ATXN7: variants seen among roughly 807,000 people sequenced by gnomAD.
ATXN7 encodes ataxin-7.
Under a neutral mutation model 70.5 loss-of-function variants are expected in ATXN7, and 12 were observed. That is an observed-to-expected ratio of 0.17 (90% CI 0.11 to 0.28). The LOEUF is 0.28. Ranked by LOEUF, ATXN7 falls within the 10% of genes least tolerant of loss-of-function variation. ATXN7 has a pLI of 1.00. For synonymous variants in ATXN7, 498 were observed against 448.7 expected, an observed-to-expected ratio of 1.11 and a Z score of -1.39; for missense variants, 1,256 against 1,131.7, an observed-to-expected ratio of 1.11 and a Z score of -1.58.
At chr3:63,906,705 T>C (rs868178766) in intron 2 of ATXN7, among the ~76,000 whole-genome samples, 3 of 152,232 alleles carry the variant, frequency 2.0e-5, no homozygotes, top group African/African-American at 4.8e-5. Context: ...ACAGCAGGAT[T>C]TCTGCCAAGG....
chr3:63,967,900 C>G (rs77698491), intron 5 of ATXN7: 1 of 1,535,920 alleles, frequency 6.5e-7, no homozygotes, highest in East Asian at 2.4e-5. Flanking sequence ...GAAGCACAAC[C>G]AAATTCTGTG....
At chr3:63,871,886 T>G (rs1350358013) in intron 1 of ATXN7, among the ~76,000 whole-genome samples, 1 of 152,198 alleles carries the variant, frequency 6.6e-6, no homozygotes, top group Non-Finnish European at 1.5e-5. Context: ...AGATTATAAT[T>G]TAATGCTTTA....
intron 1 of ATXN7, among the ~76,000 whole-genome samples, chr3:63,892,971 A>G (rs1703331342): frequency 6.6e-6 from 1 of 152,160 alleles, no homozygotes. Context: ...GTGTGGAGAA[A>G]CAGGTGGGAA....
intron 2 of ATXN7, chr3:63,903,827 C>CT (rs1354952959): frequency 6.6e-6 from 1 of 152,138 alleles, no homozygotes; most frequent in Non-Finnish European, 1.5e-5. Context: ...AATGCTGTGG[C>CT]TGGTGGTGTC....
At chr3:63,898,883 T>C (rs182470155) in intron 2 of ATXN7, among the ~76,000 whole-genome samples, 2 of 152,248 alleles carry the variant, frequency 1.3e-5, no homozygotes, top group East Asian at 1.9e-4. Flanking sequence ...TGTCTTTCCA[T>C]GTAATGTAGA....
chr3:63,951,406 G>A (rs2074951244), intron 4 of ATXN7, among the ~76,000 whole-genome samples: 1 of 152,084 alleles, frequency 6.6e-6, no homozygotes, highest in Non-Finnish European at 1.5e-5. Context: ...TCAGCTTTTT[G>A]GATCTTCCCC....
intron 1 of ATXN7, among the ~76,000 whole-genome samples, chr3:63,875,919 G>C (rs1702737026): frequency 6.6e-6 from 1 of 152,182 alleles, no homozygotes. Context: ...TGTTTGGCCA[G>C]ACCTTTTTGT....
At chr3:63,872,121 A>G (rs1245783516) in intron 1 of ATXN7, among the ~76,000 whole-genome samples, 1 of 152,170 alleles carries the variant, frequency 6.6e-6, no homozygotes. Context: ...AGCCTTGACG[A>G]ATGAGAAACG....
At chr3:63,990,959 A>G in intron 11 of ATXN7, 100 bp downstream of exon 11, 1 of 1,572,876 alleles carries the variant, frequency 6.4e-7, no homozygotes, top group South Asian at 1.1e-5. Context: ...TGCTTATCTA[A>G]ACAAAACTGG....
intron 1 of ATXN7, among the ~76,000 whole-genome samples, chr3:63,866,256 AT>A (rs1026645731): frequency 6.6e-6 from 1 of 151,104 alleles, no homozygotes; most frequent in Non-Finnish European, 1.5e-5. Context: ...AAGTTATTTT[AT>A]TTTTTTTTGA....
chr3:63,863,951 G>GCGCCGC lies in ATXN7; in HGVS notation c.-296_-291dup, dbSNP rs1161401026. On this transcript the variant is annotated 5_prime_UTR_variant, in exon 1 of 13. Transcript: ENST00000674280. ...TCCGACGCCTGAGCCGCGCCGCGCCGCGCCGCCGCCGCCGCCGCCGCCGCC... is the reference window on the plus strand; with the variant it reads ...TCCGACGCCTGAGCCGCGCCGCGCCGCGCCGCCGCCGCCGCCGCCGCCGCCGCCGCC... 3.8e-3 allele frequency: 306 copies of GCGCCGC among 81,292 alleles called. 2 individuals are homozygous for GCGCCGC. Among genetic ancestry groups the GCGCCGC allele is most frequent in the Middle Eastern group, 0.02 (3 of 152 alleles). 5.0% of individuals were successfully genotyped at this position (81,292 alleles called of 1,614,324 possible). A position where few individuals can be genotyped will look rare whatever the true frequency, so the allele number is the denominator to read the frequency against.
chr3:63,915,061 G>A (rs918031360), intron 4 of ATXN7, among the ~76,000 whole-genome samples: 9 of 152,064 alleles, frequency 5.9e-5, no homozygotes, highest in African/African-American at 2.2e-4. Flanking sequence ...TCAGCCTCCC[G>A]AGTAGCTGGG....
At chr3:63,900,824 A>T (rs1375243614) in intron 2 of ATXN7, 1 of 152,394 alleles carries the variant, frequency 6.6e-6, no homozygotes, top group Non-Finnish European at 1.5e-5. Flanking sequence ...GATGCCAGGA[A>T]GTAAGTGACC....
At chr3:63,986,053 A>G (rs1270806488) in intron 8 of ATXN7, among the ~76,000 whole-genome samples, 1 of 152,208 alleles carries the variant, frequency 6.6e-6, no homozygotes, top group Non-Finnish European at 1.5e-5. Flanking sequence ...CCATAGGAAC[A>G]TTGGGCTGAA....
At chr3:63,863,608 G>C, upstream of ATXN7, 1 of 1,194,920 alleles carries the variant, frequency 8.4e-7, no homozygotes, top group Non-Finnish European at 1.0e-6. Flanking sequence ...GGAAGCAGCC[G>C]GGGAGGCCCG....
intron 4 of ATXN7, among the ~76,000 whole-genome samples, chr3:63,937,836 G>A (rs1165687976): frequency 6.6e-6 from 1 of 152,058 alleles, no homozygotes; most frequent in African/African-American, 2.4e-5. Context: ...TTAATCTTGC[G>A]GTGCCTGCCT....
At position 63,982,226 on chromosome 3, in the gene ATXN7, A is replaced by T; in HGVS notation, c.793A>T (p.Met265Leu). ...SVKVEKIHPKMDGTLLKSAVG... is the reference protein window; with the variant it reads ...SVKVEKIHPKLDGTLLKSAVG... The stretch of plus-strand genomic sequence containing the variant: ...GAAAGTGGAAAAGATTCATCCGAAA[A>T]TGGATGGCACACTACTGAAATCTGC... The change falls in exon 7 of 13, where the codon ATG (methionine) becomes TTG (leucine). Residue 265 changes from methionine (M) to leucine (L), a missense_variant. Coordinates refer to ENST00000674280, the MANE Select transcript of ATXN7 (RefSeq NM_001377405.1). 1 of 1,614,096 alleles carries T rather than the reference A, an allele frequency of 6.2e-7. No homozygotes were observed. The highest frequency in any genetic ancestry group is 1.1e-5 in the South Asian group (1 of 91,058).
intron 4 of ATXN7, among the ~76,000 whole-genome samples, chr3:63,947,777 G>A (rs1216618895): frequency 6.6e-6 from 1 of 152,146 alleles, no homozygotes; most frequent in Non-Finnish European, 1.5e-5. Context: ...GCTGAGCTGA[G>A]ACCTGATGTG....
chr3:63,933,590 A>G (rs893080142), intron 4 of ATXN7, among the ~76,000 whole-genome samples: 2 of 152,192 alleles, frequency 1.3e-5, no homozygotes, highest in African/African-American at 4.8e-5. Context: ...AAAGTCTGTG[A>G]TGAGTGAACT....
Sources: gnomAD v4.1 joint callset for allele counts (sites outside exome capture counted in the v4.1 genomes callset) on GRCh38, gnomAD v4.1.1 for gene constraint, MANE v1.5 for transcripts, NCBI Gene and HGNC (gene_info 2026-07-23, HGNC 2026-07-21) for gene names.